Variants in SLC22A14 observed in about 807,000 individuals in gnomAD.
SLC22A14 encodes the protein organic cation transporter-like 4.
Under a neutral mutation model 53.9 loss-of-function variants are expected in SLC22A14, and 50 were observed. The ratio of observed to expected loss-of-function variants is 0.93; its 90% CI spans 0.74 to 1.17. The LOEUF (loss-of-function observed/expected upper bound fraction) is 1.17. Ranked by LOEUF, SLC22A14 falls within the 50% of genes most tolerant of loss-of-function variation. The pLI is 0.00. For synonymous variants in SLC22A14, 312 were observed against 303.0 expected (o/e 1.03, Z -0.31); for missense variants, 671 against 734.7 (o/e 0.91, Z 1.00).
rs1391589361 is a variant in SLC22A14, at chr3:38,299,918, G to GGATATT, written c.1-6108_1-6103dup. Among the ~76,000 whole-genome samples, 5 of 152,210 alleles carry GGATATT rather than the reference G, an allele frequency of 3.3e-5. No homozygotes were observed. In the East Asian group the frequency reaches 9.6e-4, roughly 29 times the overall value. On this transcript the variant is annotated intron_variant, in intron 1 of 10. Transcript: ENST00000448498. Reference sequence around the variant, plus strand: ...TATTCAACCAGCCTCCTATGTATATGGATATTTAGGTTTTTTCCCAATATT... The same window carrying GGATATT: ...TATTCAACCAGCCTCCTATGTATATGGATATTGATATTTAGGTTTTTTCCCAATATT...
intron 1 of SLC22A14, among the ~76,000 whole-genome samples, chr3:38,288,406 T>A (rs1703837068): frequency 1.3e-5 from 2 of 152,318 alleles, no homozygotes; most frequent in South Asian, 2.1e-4. Flanking sequence ...GGTGTACAAA[T>A]CTGTTTGAGC....
chr3:38,286,139 G>A (rs1247926072), intron 1 of SLC22A14, among the ~76,000 whole-genome samples: 2 of 152,226 alleles, frequency 1.3e-5, no homozygotes, highest in Non-Finnish European at 2.9e-5. Flanking sequence ...CTACTTGGGA[G>A]GCTGAGGCAG....
chr3:38,298,825 G>A (rs1704099294), intron 1 of SLC22A14, among the ~76,000 whole-genome samples: 1 of 152,166 alleles, frequency 6.6e-6, no homozygotes, highest in African/African-American at 2.4e-5. Context: ...AAAGTGCTGG[G>A]ATTACAGGTG....
chr3:38,286,576 A>C (rs1703798139), intron 1 of SLC22A14, among the ~76,000 whole-genome samples: 1 of 150,914 alleles, frequency 6.6e-6, no homozygotes, highest in African/African-American at 2.4e-5. Flanking sequence ...ACGCCTGGCT[A>C]ATTTTTGTAT....
chr3:38,294,430 C>T (rs964545247), intron 1 of SLC22A14, among the ~76,000 whole-genome samples: 2 of 152,130 alleles, frequency 1.3e-5, no homozygotes, highest in Admixed American at 6.6e-5. Flanking sequence ...AAGAGGATAT[C>T]ATGGCCAGGT....
At chr3:38,302,259 CAT>C (rs1240478058) in intron 1 of SLC22A14, among the ~76,000 whole-genome samples, 1 of 141,332 alleles carries the variant, frequency 7.1e-6, no homozygotes, top group Non-Finnish European at 1.5e-5. Context: ...TATATATATA[CAT>C]ATATATATTT....
intron 1 of SLC22A14, chr3:38,305,398 G>A (rs1017857665): frequency 2.0e-5 from 3 of 152,574 alleles, no homozygotes; most frequent in Non-Finnish European, 4.4e-5. Flanking sequence ...TACCCCTTCT[G>A]AGAGTTTTGG....
intron 1 of SLC22A14, chr3:38,303,706 C>T (rs1704224932): frequency 6.6e-6 from 1 of 151,968 alleles, no homozygotes; most frequent in South Asian, 2.1e-4. Context: ...CCCATTTTTA[C>T]CACTCATTAT....
intron 1 of SLC22A14, among the ~76,000 whole-genome samples, chr3:38,296,182 T>G (rs1049119805): frequency 6.6e-6 from 1 of 152,222 alleles, no homozygotes; most frequent in East Asian, 1.9e-4. Flanking sequence ...GGCACACGCA[T>G]GGGCGGCTGT....
chr3:38,306,613 G>A lies in SLC22A14; in HGVS notation c.516+71G>A, dbSNP rs567908553. 4.2e-5 allele frequency: 61 copies of A among 1,441,056 alleles called. No individual in the cohort carries two copies. The Admixed American group carries it at 1.0e-3, about 24-fold the overall frequency. 89.3% of individuals were successfully genotyped at this position (1,441,056 alleles called of 1,614,324 possible). On this transcript the variant is annotated intron_variant, in intron 2 of 10. Coordinates refer to ENST00000448498, the MANE Select transcript of SLC22A14 (RefSeq NM_001320033.2). Reference sequence around the variant, plus strand: ...GTTGTGCCTCCCACCCTCACTGAATGGGTGGGGAAACCGAAGCTCAGAGAT... The same window carrying A: ...GTTGTGCCTCCCACCCTCACTGAATAGGTGGGGAAACCGAAGCTCAGAGAT...
intron 1 of SLC22A14, among the ~76,000 whole-genome samples, chr3:38,296,073 C>T (rs1333088223): frequency 1.3e-5 from 2 of 152,148 alleles, no homozygotes; most frequent in African/African-American, 2.4e-5. Context: ...AGGCAGGGAT[C>T]GGAGGAAGTA....
chr3:38,305,747 G>C, intron 1 of SLC22A14: 2 of 428,624 alleles, frequency 4.7e-6, no homozygotes, highest in South Asian at 7.9e-5. Flanking sequence ...GGAAGTTGTA[G>C]GAGAGTTCCT....
intron 1 of SLC22A14, among the ~76,000 whole-genome samples, chr3:38,302,409 G>T (rs1704189435): frequency 6.7e-6 from 1 of 150,100 alleles, no homozygotes; most frequent in African/African-American, 2.4e-5. Flanking sequence ...GGCTGTGCAT[G>T]GTGGCAGATT....
chr3:38,301,468 A>T (rs9811569), intron 1 of SLC22A14, among the ~76,000 whole-genome samples: 1 of 152,196 alleles, frequency 6.6e-6, no homozygotes, highest in Admixed American at 6.5e-5. Flanking sequence ...GCATACTTTT[A>T]CAAGTTATAT....
chr3:38,313,003 CT>C lies in SLC22A14; in HGVS notation c.950del (p.Leu317ProfsTer8). On this transcript the variant is annotated frameshift_variant, in exon 6 of 11. Transcript: ENST00000448498. LOFTEE classifies it high-confidence loss of function. ...AGAGAGGGGCTGGCCACGCAGGATTCTCCCGGAGTCCCCGCGGTGGCTGATG... is the reference window on the plus strand; with the variant it reads ...AGAGAGGGGCTGGCCACGCAGGATTCCCCGGAGTCCCCGCGGTGGCTGATG... ...VIPFISYIWI[L>X]PESPRWLMMK... 4 of 1,579,232 alleles carry C rather than the reference CT, an allele frequency of 2.5e-6. No homozygotes were observed. Among genetic ancestry groups the C allele is most frequent in the Non-Finnish European group, 3.4e-6 (4 of 1,163,006 alleles).
At position 38,306,552 on chromosome 3, in the gene SLC22A14, G is replaced by T. The variant is rs1704312673; in HGVS notation, c.516+10G>T. ...ATCGCTGATCAATGAGGTATGTCTT[G>T]TCATGGGTTGTCTGTAACTACCCTA... On this transcript the variant is annotated intron_variant, in intron 2 of 10. Transcript: ENST00000448498. 6.3e-7 allele frequency: 1 copy of T among 1,599,966 alleles called. No homozygotes were observed. The highest frequency in any genetic ancestry group is 1.3e-5 in the African/African-American group (1 of 74,810).
At chr3:38,293,907 G>T (rs1013452569) in intron 1 of SLC22A14, among the ~76,000 whole-genome samples, 1 of 152,186 alleles carries the variant, frequency 6.6e-6, no homozygotes, top group African/African-American at 2.4e-5. Flanking sequence ...TGGGGTTAAT[G>T]TCGGATTTAG....
At position 38,306,507 on chromosome 3, in the gene SLC22A14, T is replaced by C. The variant is rs907410779; in HGVS notation, c.481T>C (p.Tyr161His). The C allele has an allele frequency of 4.3e-6, 7 of 1,614,024 alleles. No homozygotes were observed. The African/African-American group carries it at 9.3e-5, about 22-fold the overall frequency. Residue 161 changes from tyrosine (Y) to histidine (H), a missense_variant, in exon 2 of 11, where the codon TAT becomes CAT. Transcript: ENST00000448498. ...DTDTCQDGWI[Y>H]PDAKKRSLIN... ...AGACACATGCCAAGATGGGTGGATC[T>C]ATCCTGACGCTAAGAAGCGATCGCT...
intron 1 of SLC22A14, among the ~76,000 whole-genome samples, chr3:38,295,244 G>T (rs1704003750): frequency 6.6e-6 from 1 of 152,258 alleles, no homozygotes; most frequent in Non-Finnish European, 1.5e-5. Context: ...ATTATCAGTG[G>T]TTGGTGTTAA....
Sources: allele counts gnomAD v4.1 joint callset (sites outside exome capture counted in the v4.1 genomes callset), GRCh38; gene constraint gnomAD v4.1.1; transcripts MANE v1.5; gene names NCBI Gene and HGNC (gene_info 2026-07-23, HGNC 2026-07-21).